LRRC4C: variants seen among roughly 807,000 people sequenced by gnomAD.
LRRC4C encodes the protein leucine rich repeat containing 4C.
In LRRC4C, 5 loss-of-function variants were observed where a neutral mutation model predicts 33.6. The ratio of observed to expected loss-of-function variants is 0.15; its 90% CI spans 0.08 to 0.31. LRRC4C has a LOEUF of 0.31. Ranked by LOEUF, LRRC4C falls within the 10% of genes least tolerant of loss-of-function variation. The probability of loss-of-function intolerance (pLI) is 1.00; values close to 1 mark genes in which losing one functional copy is unlikely to be tolerated. For missense variants in LRRC4C, 560 were observed against 796.7 expected, an observed-to-expected ratio of 0.70 and a Z score of 3.58; for synonymous variants, 329 against 302.0, an observed-to-expected ratio of 1.09 and a Z score of -0.93.
At chr11:40,430,658 A>C (rs1178294650) in intron 3 of LRRC4C, among the ~76,000 whole-genome samples, 1 of 151,994 alleles carries the variant, frequency 6.6e-6, no homozygotes, top group Non-Finnish European at 1.5e-5. Flanking sequence ...TTTCTTCTAC[A>C]TATATATATT....
intron 1 of LRRC4C, among the ~76,000 whole-genome samples, chr11:41,216,425 A>C (rs1017531727): frequency 6.6e-5 from 10 of 152,132 alleles, no homozygotes; most frequent in Non-Finnish European, 1.3e-4. Flanking sequence ...CTTCAGGATA[A>C]AAATGACATT....
rs563893175 is a variant in LRRC4C, at chr11:41,259,750, G to C, written c.-496+199681C>G. Among the ~76,000 whole-genome samples the C allele has an allele frequency of 5.3e-5, 8 of 151,966 alleles. No homozygotes were observed. The East Asian group carries it at 1.4e-3, about 26-fold the overall frequency. On this transcript the variant is annotated intron_variant, in intron 1 of 6. Coordinates refer to ENST00000528697, the MANE Select transcript of LRRC4C (RefSeq NM_001258419.2). ...CTAAATCTTACTACTGTGTAGCTGCGAACTATTTACTTATCCATCTTTGAA... is the reference window on the plus strand; with the variant it reads ...CTAAATCTTACTACTGTGTAGCTGCCAACTATTTACTTATCCATCTTTGAA...
chr11:40,568,456 C>T (rs1305530412), intron 3 of LRRC4C, among the ~76,000 whole-genome samples: 1 of 152,218 alleles, frequency 6.6e-6, no homozygotes, highest in Non-Finnish European at 1.5e-5. Context: ...TTCACAGAAA[C>T]TGTAAAATTT....
At chr11:40,118,575 T>C (rs543965034) in intron 6 of LRRC4C, among the ~76,000 whole-genome samples, 3 of 152,282 alleles carry the variant, frequency 2.0e-5, no homozygotes, top group African/African-American at 7.2e-5. Flanking sequence ...ATCTGATCTA[T>C]ATTTTGTAGA....
In LRRC4C at chr11:40,644,728, A is replaced by G. The variant is rs35943145; in HGVS notation, c.-270+3414T>C. On this transcript the variant is annotated intron_variant, in intron 3 of 6. Transcript: ENST00000528697. ...AATGACAAAGTTACGGAAATAGAGA[A>G]CAGATTAGAAGTTGTCAGTGTTTAA... Among the ~76,000 whole-genome samples the G allele has an allele frequency of 3.6e-3, 541 of 152,336 alleles. 5 individuals are homozygous for G. Among genetic ancestry groups the G allele is most frequent in the African/African-American group, 0.013 (523 of 41,566 alleles).
chr11:40,376,974 C>T (rs939818911), intron 3 of LRRC4C, among the ~76,000 whole-genome samples: 1 of 152,052 alleles, frequency 6.6e-6, no homozygotes, highest in Non-Finnish European at 1.5e-5. Context: ...TCAAAAAGTA[C>T]CTGTAACCAC....
At chr11:40,888,642 T>C (rs775915052) in intron 2 of LRRC4C, among the ~76,000 whole-genome samples, 3 of 151,998 alleles carry the variant, frequency 2.0e-5, no homozygotes, top group Non-Finnish European at 4.4e-5. Flanking sequence ...TTTTATTTCA[T>C]GGTAATGGAA....
intron 2 of LRRC4C, among the ~76,000 whole-genome samples, chr11:40,685,964 T>TA (rs1011825096): frequency 6.1e-4 from 90 of 146,936 alleles, no homozygotes; most frequent in South Asian, 8.6e-4. Flanking sequence ...TAACAGTCAT[T>TA]AAAAAAAAAA....
intron 3 of LRRC4C, among the ~76,000 whole-genome samples, chr11:40,459,682 C>A (rs1300073989): frequency 6.6e-6 from 1 of 152,076 alleles, no homozygotes; most frequent in Non-Finnish European, 1.5e-5. Context: ...AGAGCCCTCA[C>A]GAAAGAAGAA....
At chr11:41,193,743 G>T (rs895044947) in intron 1 of LRRC4C, among the ~76,000 whole-genome samples, 1 of 152,054 alleles carries the variant, frequency 6.6e-6, no homozygotes, top group Non-Finnish European at 1.5e-5. Flanking sequence ...AAGAAGCAAT[G>T]CCAGAAAACA....
intron 1 of LRRC4C, among the ~76,000 whole-genome samples, chr11:41,335,014 T>G (rs1001402602): frequency 3.3e-5 from 5 of 152,194 alleles, no homozygotes; most frequent in African/African-American, 1.2e-4. Flanking sequence ...CTGGTCCCAA[T>G]CTAGTCTGTC....
intron 1 of LRRC4C, among the ~76,000 whole-genome samples, chr11:40,946,612 G>T (rs1300683317): frequency 6.6e-6 from 1 of 152,080 alleles, no homozygotes; most frequent in Non-Finnish European, 1.5e-5. Context: ...CAAAATAAAT[G>T]TGTTTTGACT....
chr11:40,288,967 C>A (rs1944018973), intron 4 of LRRC4C, among the ~76,000 whole-genome samples: 1 of 152,110 alleles, frequency 6.6e-6, no homozygotes, highest in Non-Finnish European at 1.5e-5. Context: ...ACATTAATTG[C>A]ATTATTTCCC....
At chr11:40,923,310 A>G (rs1343665400) in intron 2 of LRRC4C, among the ~76,000 whole-genome samples, 1 of 152,232 alleles carries the variant, frequency 6.6e-6, no homozygotes, top group Non-Finnish European at 1.5e-5. Flanking sequence ...ATTGGAGGAT[A>G]TGATAATGTG....
At chr11:41,188,705 CA>C (rs10559968) in intron 1 of LRRC4C, among the ~76,000 whole-genome samples, 52,851 of 111,160 alleles carry the variant, frequency 0.48, 10,406 homozygotes, top group South Asian at 0.59. Context: ...GAAAAAGAAG[CA>C]AAAAAAAAAA....
intron 1 of LRRC4C, among the ~76,000 whole-genome samples, chr11:41,331,470 A>G (rs1035815927): frequency 6.6e-6 from 1 of 152,226 alleles, no homozygotes; most frequent in African/African-American, 2.4e-5. Context: ...ATGGAAAATC[A>G]CGCCAAGTAT....
intron 1 of LRRC4C, among the ~76,000 whole-genome samples, chr11:40,935,620 T>C (rs918802588): frequency 6.6e-6 from 1 of 152,068 alleles, no homozygotes; most frequent in African/African-American, 2.4e-5. Flanking sequence ...CCACATAGCC[T>C]AGGTGTATAG....
intron 3 of LRRC4C, among the ~76,000 whole-genome samples, chr11:40,605,408 C>T (rs770060456): frequency 1.9e-4 from 29 of 152,202 alleles, no homozygotes; most frequent in Non-Finnish European, 3.2e-4. Flanking sequence ...TACATAGAGG[C>T]AATGATTCAA....
chr11:41,283,163 T>C (rs1321889172), intron 1 of LRRC4C, among the ~76,000 whole-genome samples: 1 of 152,200 alleles, frequency 6.6e-6, no homozygotes, highest in Non-Finnish European at 1.5e-5. Context: ...TCACAAAATA[T>C]CATTACAGCA....
Sources: allele counts gnomAD v4.1 joint callset (sites outside exome capture counted in the v4.1 genomes callset), GRCh38; gene constraint gnomAD v4.1.1; transcripts MANE v1.5; gene names NCBI Gene and HGNC (gene_info 2026-07-23, HGNC 2026-07-21).